The following SCN11A variants were observed in gnomAD, a reference collection of about 807,000 sequenced individuals.
SCN11A encodes sodium channel protein type 11 subunit alpha.
A neutral mutation model predicts 162.2 loss-of-function variants in SCN11A; 122 were observed. The ratio of observed to expected loss-of-function variants is 0.75; its 90% CI spans 0.65 to 0.87. The LOEUF (loss-of-function observed/expected upper bound fraction) is 0.87, where lower values mean the gene tolerates loss of function less well. Among genes scored for constraint, SCN11A ranks in the 40% least tolerant of loss-of-function variants. SCN11A has a pLI of 0.00. For synonymous variants in SCN11A, 758 were observed against 751.5 expected (o/e 1.01, Z -0.14); for missense variants, 2,015 against 2,181.6 (o/e 0.92, Z 1.52).
chr3:38,952,162 C>A (rs116514615), intron 4 of SCN11A, among the ~76,000 whole-genome samples: 1 of 152,138 alleles, frequency 6.6e-6, no homozygotes, highest in African/African-American at 2.4e-5. Context: ...GTAACACTCA[C>A]CGCGAGAGTC....
chr3:38,901,793 C>G (rs1020979778), intron 16 of SCN11A, among the ~76,000 whole-genome samples: 4 of 152,174 alleles, frequency 2.6e-5, no homozygotes, highest in Non-Finnish European at 5.9e-5. Flanking sequence ...GGAATGGAAA[C>G]ACAAGCTATG....
In SCN11A at chr3:38,847,385, C is replaced by T. The variant is rs771220857; in HGVS notation, c.4685G>A (p.Arg1562Gln). ...GWDSLLSPML[R>Q]SKESCNSSSE... ...GGAAGAGTTACATGATTCTTTTGAT[C>T]GCAGCATGGGGCTGAGCAGGGAATC... Residue 1562 changes from arginine (R) to glutamine (Q), a missense_variant, in exon 30 of 30, where the codon CGA (arginine) becomes CAA (glutamine). Arg to Gln is a conservative substitution (Grantham distance 43). Coordinates refer to ENST00000302328, the MANE Select transcript of SCN11A (RefSeq NM_001349253.2). 34 of 1,613,940 alleles carry T rather than the reference C, an allele frequency of 2.1e-5. No homozygotes were observed. The highest frequency in any genetic ancestry group is 1.3e-4 in the East Asian group (6 of 44,882).
At chr3:38,946,752 T>G in intron 6 of SCN11A, 37 bp downstream of exon 6, 85 of 1,356,966 alleles carry the variant, frequency 6.3e-5, no homozygotes, top group Non-Finnish European at 7.8e-5. Context: ...ACTTTTCAAA[T>G]GATCTGGACT....
chr3:38,971,897 G>C (rs2066819132), intron 2 of SCN11A, among the ~76,000 whole-genome samples: 1 of 152,196 alleles, frequency 6.6e-6, no homozygotes, highest in Non-Finnish European at 1.5e-5. Flanking sequence ...AGGCTCAGCT[G>C]CTTCCAGAAA....
rs975604821 is a variant in SCN11A, at chr3:38,894,832, C to T, written c.2536G>A (p.Val846Met). 1.2e-6 allele frequency: 2 copies of T among 1,614,190 alleles called. No homozygotes were observed. Among genetic ancestry groups the T allele is most frequent in the East Asian group, 4.5e-5 (2 of 44,884 alleles). The change falls in exon 19 of 30, where the codon GTG (valine) becomes ATG (methionine). Residue 846 changes from valine (V) to methionine (M), a missense_variant. By Grantham distance (21) the Val-to-Met change is conservative. Transcript: ENST00000302328. ...LDRFRRAFCF[V>M]RHTLEHFCHK... is the part of the protein sequence containing the mutation. ...CAGAAATGCTCAAGAGTGTGTCTCACAAAACAAAAAGCCCGGCGGAATCGA... is the reference window on the plus strand; with the variant it reads ...CAGAAATGCTCAAGAGTGTGTCTCATAAAACAAAAAGCCCGGCGGAATCGA...
At chr3:38,910,356 G>C (rs2065870174) in intron 11 of SCN11A, 149 bp from the exon 12 acceptor site, 1 of 645,072 alleles carries the variant, frequency 1.6e-6, no homozygotes, top group Non-Finnish European at 2.6e-6. Context: ...CCACTGCACT[G>C]TCTGACAAGA....
At chr3:39,017,772 A>C (rs1216303289) in intron 2 of SCN11A, among the ~76,000 whole-genome samples, 1 of 152,130 alleles carries the variant, frequency 6.6e-6, no homozygotes, top group Non-Finnish European at 1.5e-5. Flanking sequence ...ATATAGTTAC[A>C]ACTGTTTTAA....
intron 7 of SCN11A, among the ~76,000 whole-genome samples, chr3:38,940,614 A>C (rs2066428500): frequency 6.6e-6 from 1 of 152,200 alleles, no homozygotes; most frequent in Non-Finnish European, 1.5e-5. Context: ...TCTGGGACGG[A>C]ACTATGAAGT....
chr3:38,929,131 G>GCGTGCGCGCACACA (rs774058202), intron 7 of SCN11A, among the ~76,000 whole-genome samples: 24 of 37,064 alleles, frequency 6.5e-4, no homozygotes, highest in Non-Finnish European at 8.2e-4. Context: ...CTGGGTCTGT[G>GCGTGCGCGCACACA]CACGCACACA....
intron 2 of SCN11A, among the ~76,000 whole-genome samples, chr3:39,022,652 C>T (rs537294402): frequency 8.8e-4 from 134 of 152,284 alleles, no homozygotes; most frequent in Non-Finnish European, 1.6e-3. Context: ...GAAACTGAGG[C>T]TGGTGGATTG....
At chr3:39,015,939 T>A (rs901054034) in intron 2 of SCN11A, among the ~76,000 whole-genome samples, 4 of 152,048 alleles carry the variant, frequency 2.6e-5, no homozygotes, top group African/African-American at 9.7e-5. Flanking sequence ...GTTTCACCAT[T>A]TTGGCCAGGC....
At chr3:39,014,824 T>A (rs1016343563) in intron 2 of SCN11A, among the ~76,000 whole-genome samples, 3 of 152,214 alleles carry the variant, frequency 2.0e-5, no homozygotes, top group Non-Finnish European at 4.4e-5. Flanking sequence ...GCCCACTTAA[T>A]GATGGAAGGG....
chr3:38,992,869 C>T (rs1168383863), intron 2 of SCN11A, among the ~76,000 whole-genome samples: 1 of 152,138 alleles, frequency 6.6e-6, no homozygotes, highest in Non-Finnish European at 1.5e-5. Flanking sequence ...TTCCCTCTTC[C>T]ATTTTGCTTT....
chr3:38,965,245 T>C (rs962431728), intron 2 of SCN11A, among the ~76,000 whole-genome samples: 6 of 152,254 alleles, frequency 3.9e-5, no homozygotes, highest in Non-Finnish European at 5.9e-5. Flanking sequence ...TGTCACTTAA[T>C]AGGTGCTTAA....
chr3:38,938,041 G>T (rs565657253), intron 7 of SCN11A, among the ~76,000 whole-genome samples: 10 of 151,914 alleles, frequency 6.6e-5, no homozygotes, highest in Non-Finnish European at 1.0e-4. Context: ...CATGGAATAC[G>T]ATGCAGCCAT....
At chr3:39,024,027 A>G (rs553554489) in intron 2 of SCN11A, among the ~76,000 whole-genome samples, 6 of 152,330 alleles carry the variant, frequency 3.9e-5, no homozygotes, top group African/African-American at 1.2e-4. Flanking sequence ...GACTATGTAT[A>G]TAAACTGTAG....
intron 3 of SCN11A, among the ~76,000 whole-genome samples, chr3:38,958,947 G>A (rs2066714345): frequency 6.6e-6 from 1 of 152,144 alleles, no homozygotes; most frequent in Admixed American, 6.5e-5. Context: ...AAGGTCAGAG[G>A]CTTTAACCTT....
chr3:38,993,329 A>G (rs1477905414), intron 2 of SCN11A, among the ~76,000 whole-genome samples: 1 of 152,186 alleles, frequency 6.6e-6, no homozygotes, highest in East Asian at 1.9e-4. Context: ...AAAGAGCCCT[A>G]ACAGAAGCCA....
chr3:38,865,142 C>T (rs543736022), intron 27 of SCN11A, among the ~76,000 whole-genome samples: 31 of 152,222 alleles, frequency 2.0e-4, no homozygotes, highest in African/African-American at 6.7e-4. Context: ...TTAGAACAAG[C>T]ACATTCTTAA....
Sources: allele counts gnomAD v4.1 joint callset (sites outside exome capture counted in the v4.1 genomes callset), GRCh38; gene constraint gnomAD v4.1.1; transcripts MANE v1.5; gene names NCBI Gene and HGNC (gene_info 2026-07-23, HGNC 2026-07-21).